BSND: variants seen among roughly 807,000 people sequenced by gnomAD.
BSND encodes barttin CLCNK type accessory subunit beta.
Under a neutral mutation model 18.8 loss-of-function variants are expected in BSND, and 13 were observed. The observed-to-expected ratio is 0.69, with a 90% CI of 0.45 to 1.10. BSND has a LOEUF of 1.10. Among genes scored for constraint, BSND ranks in the 50% least tolerant of loss-of-function variants. The pLI, the probability that BSND is intolerant of heterozygous loss-of-function variation, is 0.00. For missense variants in BSND, 379 were observed against 416.7 expected (o/e 0.91, Z 0.79); for synonymous variants, 170 against 161.8 (o/e 1.05, Z -0.39).
chr1:55,002,739 A>T (rs1272517181), intron 1 of BSND, among the ~76,000 whole-genome samples: 1 of 152,160 alleles, frequency 6.6e-6, no homozygotes, highest in Non-Finnish European at 1.5e-5. Flanking sequence ...TGATGATGAT[A>T]TGATGGTGAT....
Position 55,010,505 on chromosome 1 carries a change from A to G in BSND, c.*1877A>G, listed in dbSNP as rs2495511. On this transcript the variant is annotated 3_prime_UTR_variant, in exon 4 of 4. Coordinates refer to ENST00000651561, the MANE Select transcript of BSND (RefSeq NM_057176.3). The stretch of plus-strand genomic sequence containing the variant: ...CTGCACCCTGGGCCACCTGGGAGTC[A>G]GAGACCTTCACCTGGGCTATGGGGT... 71,237 of 152,092 alleles carry G rather than the reference A, an allele frequency of 0.47. 17,773 individuals carry two copies. Among genetic ancestry groups the G allele is most frequent in the African/African-American group, 0.64 (26,409 of 41,452 alleles). 9.4% of individuals were successfully genotyped at this position (152,092 alleles called of 1,614,324 possible).
intron 2 of BSND, among the ~76,000 whole-genome samples, chr1:55,005,856 CGGGCCTGCACTCAGCAGTGGTGGAGGCG>C (rs1198682370): frequency 2.6e-5 from 4 of 152,134 alleles, no homozygotes; most frequent in East Asian, 3.9e-4. Flanking sequence ...TGATGGAAGC[CGGGCCTGCACTCAGCAGTGGTGGAGGCG>C]GGGCCTGCAC....
In BSND at chr1:55,008,475, C is replaced by T. The variant is rs1451582678; in HGVS notation, c.810C>T (p.Tyr270=). ...EIALPNNWQR[Y]PRTKVEEKEA... is the part of the protein sequence containing the mutation. ...CCCTGCCCAACAACTGGCAGCGGTA[C>T]CCAAGGACAAAGGTGGAGGAGAAGG... The change falls in exon 4 of 4, where the codon TAC becomes TAT. Residue 270 remains tyrosine, a synonymous_variant. Coordinates refer to ENST00000651561, the MANE Select transcript of BSND (RefSeq NM_057176.3). 3.1e-6 allele frequency: 5 copies of T among 1,614,128 alleles called. No individual in the cohort carries two copies. In the East Asian group the frequency reaches 8.9e-5, roughly 29 times the overall value.
chr1:55,007,866 G>A (rs1483317256), intron 3 of BSND, among the ~76,000 whole-genome samples: 2 of 152,216 alleles, frequency 1.3e-5, no homozygotes, highest in Non-Finnish European at 2.9e-5. Context: ...TCCAATGAGG[G>A]AGGCAAAGAC....
Position 55,007,270 on chromosome 1 carries a change from C to A in BSND, c.546C>A (p.Pro182=). Residue 182 remains proline, a splice_region_variant and synonymous_variant, in exon 3 of 4, where the codon CCC becomes CCA. Transcript: ENST00000651561. The part of the protein sequence containing the change: ...EGERRLTQSW[P]GPLACPQGPA... ...AAAGACGCCTAACTCAGAGCTGGCC[C>A]GGGTGAGTGCTTAGAGGGCAGGAGT... 7.4e-7 allele frequency: 1 copy of A among 1,349,584 alleles called. No homozygotes were observed. The highest frequency in any genetic ancestry group is 9.9e-7 in the Non-Finnish European group (1 of 1,014,832). 83.6% of individuals were successfully genotyped at this position (1,349,584 alleles called of 1,614,324 possible).
rs1644441678 is a variant in BSND, at chr1:55,014,796, GTTTGTTTTTC to G, written c.*6171_*6180del. 1.3e-5 allele frequency among the ~76,000 whole-genome samples: 2 copies of G among 152,176 alleles called. No homozygotes were observed. Among genetic ancestry groups the G allele is most frequent in the Admixed American group, 1.3e-4 (2 of 15,282 alleles). On this transcript the variant is annotated 3_prime_UTR_variant, in exon 4 of 4. Coordinates refer to ENST00000651561, the MANE Select transcript of BSND (RefSeq NM_057176.3). ...TTCTTAAGTGCTGAAGGGCTTAGTTGTTTGTTTTTCTTAAATGAGTTATCAAACATTGGAT... is the reference window on the plus strand; with the variant it reads ...TTCTTAAGTGCTGAAGGGCTTAGTTGTTAAATGAGTTATCAAACATTGGAT...
In BSND at chr1:55,014,380, T is replaced by C. The variant is rs1644439473; in HGVS notation, c.*5752T>C. ...GCCTCTCTGGCCCTCAATTTCCTTA[T>C]TAATAAATTGAGGTTAGTGATATCG... On this transcript the variant is annotated 3_prime_UTR_variant, in exon 4 of 4. Coordinates refer to ENST00000651561, the MANE Select transcript of BSND (RefSeq NM_057176.3). Among the ~76,000 whole-genome samples, 6 of 152,204 alleles carry C rather than the reference T, an allele frequency of 3.9e-5. No homozygotes were observed. The South Asian group carries it at 1.2e-3, about 31-fold the overall frequency.
At position 55,015,212 on chromosome 1, in the gene BSND, T is replaced by C. The variant is rs1644443721; in HGVS notation, c.*6584T>C. The stretch of plus-strand genomic sequence containing the variant: ...TTTGTGCCCTGCGGCAGGGATTTCA[T>C]TCTCAACCTGCCCTGTGAAAGGTTT... On this transcript the variant is annotated 3_prime_UTR_variant, in exon 4 of 4. Coordinates refer to ENST00000651561, the MANE Select transcript of BSND (RefSeq NM_057176.3). 2.0e-5 allele frequency among the ~76,000 whole-genome samples: 3 copies of C among 152,254 alleles called. No homozygotes were observed. The highest frequency in any genetic ancestry group is 2.9e-5 in the Non-Finnish European group (2 of 68,040).
rs1644452132 is a variant in BSND at position 55,016,498 on chromosome 1, TG to T, written c.*7872del. Among the ~76,000 whole-genome samples the T allele has an allele frequency of 6.6e-6, 1 of 152,078 alleles. No individual in the cohort carries two copies. The highest frequency in any genetic ancestry group is 2.4e-5 in the African/African-American group (1 of 41,388). On this transcript the variant is annotated 3_prime_UTR_variant, in exon 4 of 4. Coordinates refer to ENST00000651561, the MANE Select transcript of BSND (RefSeq NM_057176.3). Reference sequence around the variant, plus strand: ...CTGACGTTGCTGATGTGAATGGGAGTGGTGGCAGCTTTTCTGTGAGTGCCTT... The same window carrying T: ...CTGACGTTGCTGATGTGAATGGGAGTGTGGCAGCTTTTCTGTGAGTGCCTT...
rs777675138 is a variant in BSND at position 55,008,643 on chromosome 1, G to A, written c.*15G>A. On this transcript the variant is annotated 3_prime_UTR_variant, in exon 4 of 4. Coordinates refer to ENST00000651561, the MANE Select transcript of BSND (RefSeq NM_057176.3). ...CCCAAGGCTGAGATGTTTGTGCTCCGTAGCTTCTAGTCTGGAACTGCTGCT... is the reference window on the plus strand; with the variant it reads ...CCCAAGGCTGAGATGTTTGTGCTCCATAGCTTCTAGTCTGGAACTGCTGCT... The A allele has an allele frequency of 4.7e-5, 76 of 1,613,890 alleles. No individual in the cohort carries two copies. Among genetic ancestry groups the A allele is most frequent in the Middle Eastern group, 1.6e-4 (1 of 6,084 alleles).
chr1:55,013,925 G>A lies in BSND; in HGVS notation c.*5297G>A, dbSNP rs897690322. Among the ~76,000 whole-genome samples the A allele has an allele frequency of 9.2e-5, 14 of 152,004 alleles. No individual in the cohort carries two copies. The highest frequency in any genetic ancestry group is 2.1e-4 in the South Asian group (1 of 4,824). On this transcript the variant is annotated 3_prime_UTR_variant, in exon 4 of 4. Transcript: ENST00000651561. The stretch of plus-strand genomic sequence containing the variant: ...CCAGGTGCCCTTCATCCCCTTCTCT[G>A]TCATCCCTCAAACCCTACCTGTTCC...
intron 1 of BSND, among the ~76,000 whole-genome samples, chr1:55,001,463 C>T (rs547338069): frequency 7.9e-5 from 12 of 152,116 alleles, no homozygotes; most frequent in African/African-American, 2.7e-4. Context: ...ACTCTAGAGG[C>T]GAAGCTCCCT....
rs781012759 is a variant in BSND, at chr1:54,999,142, C to A, written c.-45C>A. Reference sequence around the variant, plus strand: ...CGGTGTTTAGGCTGAACTACAGCCACCCCCTCTCCCGGGGGTGTGCAGGCC... The same window carrying A: ...CGGTGTTTAGGCTGAACTACAGCCAACCCCTCTCCCGGGGGTGTGCAGGCC... On this transcript the variant is annotated 5_prime_UTR_variant, in exon 1 of 4. Transcript: ENST00000651561. 3 of 1,610,294 alleles carry A rather than the reference C, an allele frequency of 1.9e-6. No homozygotes were observed. Among genetic ancestry groups the A allele is most frequent in the Non-Finnish European group, 2.5e-6 (3 of 1,178,902 alleles).
intron 1 of BSND, among the ~76,000 whole-genome samples, chr1:55,001,837 C>G (rs2101645917): frequency 6.6e-6 from 1 of 152,150 alleles, no homozygotes; most frequent in South Asian, 2.1e-4. Context: ...AGAAGAGTAG[C>G]ATGATCAAAG....
chr1:54,999,886 G>C (rs1007582993), intron 1 of BSND, among the ~76,000 whole-genome samples: 5 of 152,182 alleles, frequency 3.3e-5, no homozygotes, highest in African/African-American at 1.2e-4. Flanking sequence ...CAGAGCGACT[G>C]AGAGCTCCAG....
chr1:55,000,959 AGAGGG>A (rs1232801172), intron 1 of BSND, among the ~76,000 whole-genome samples: 3 of 152,048 alleles, frequency 2.0e-5, no homozygotes, highest in East Asian at 3.9e-4. Context: ...GAGTGACGGT[AGAGGG>A]GAGGGGAGGG....
chr1:54,999,511 C>A, intron 1 of BSND, 148 bp downstream of exon 1: 1 of 826,766 alleles, frequency 1.2e-6, no homozygotes, highest in Non-Finnish European at 1.8e-6. Context: ...CTCTCCTGAG[C>A]GTCTGTCCCA....
rs1292078798 is a variant in BSND at position 55,008,819 on chromosome 1, T to C, written c.*191T>C. On this transcript the variant is annotated 3_prime_UTR_variant, in exon 4 of 4. Coordinates refer to ENST00000651561, the MANE Select transcript of BSND (RefSeq NM_057176.3). ...TAGTGGACTCTTGTTTTTCCAATAG[T>C]TAGTGGTCTTTGGCCAACCTTTGAA... is the stretch of plus-strand genomic sequence containing the variant. 3 of 875,556 alleles carry C rather than the reference T, an allele frequency of 3.4e-6. No individual in the cohort carries two copies. The African/African-American group carries it at 5.1e-5, about 15-fold the overall frequency. 54.2% of individuals were successfully genotyped at this position (875,556 alleles called of 1,614,324 possible). A position where few individuals can be genotyped will look rare whatever the true frequency, so the allele number is the denominator to read the frequency against.
chr1:55,002,225 C>G (rs570096895), intron 1 of BSND, among the ~76,000 whole-genome samples: 2 of 152,352 alleles, frequency 1.3e-5, no homozygotes, highest in South Asian at 4.1e-4. Context: ...CCCAGGTTAT[C>G]TTATTGAATT....
Sources: gnomAD v4.1 joint callset for allele counts (sites outside exome capture counted in the v4.1 genomes callset) on GRCh38, gnomAD v4.1.1 for gene constraint, MANE v1.5 for transcripts, NCBI Gene and HGNC (gene_info 2026-07-23, HGNC 2026-07-21) for gene names.